The following SLC38A8 variants were observed in gnomAD, a reference collection of about 807,000 sequenced individuals.
SLC38A8 encodes the protein solute carrier family 38 member 8.
A neutral mutation model predicts 46.0 loss-of-function variants in SLC38A8; 65 were observed. The ratio of observed to expected loss-of-function variants is 1.41; its 90% confidence interval spans 1.16 to 1.74. The LOEUF is 1.74. SLC38A8 is among the 40% of genes most tolerant of loss of function. The pLI is 0.00. For missense variants in SLC38A8, 998 were observed against 567.9 expected (o/e 1.76, Z -7.70); for synonymous variants, 447 against 243.7 (o/e 1.83, Z -7.77).
chr16:84,011,260 C>A (rs2084949937), intron 10 of SLC38A8, among the ~76,000 whole-genome samples: 1 of 152,166 alleles, frequency 6.6e-6, no homozygotes, highest in Non-Finnish European at 1.5e-5. Context: ...CTTGAAAGCT[C>A]ATCAGTAAAA....
chr16:84,038,202 T>C lies in SLC38A8; in HGVS notation c.190-1302A>G, dbSNP rs182011587. 4.3e-4 allele frequency among the ~76,000 whole-genome samples: 66 copies of C among 152,092 alleles called. 1 individual carries two copies. The highest frequency in any genetic ancestry group is 1.5e-3 in the African/African-American group (62 of 41,510). ...GGCACATGCCTGTAATTCCAGCTAC[T>C]TGGGAGGCTGACGCAGGAGAATCAC... On this transcript the variant is annotated intron_variant, in intron 2 of 10. Transcript: ENST00000299709.
At chr16:84,013,385 C>T (rs910593531) in intron 9 of SLC38A8, among the ~76,000 whole-genome samples, 4 of 149,892 alleles carry the variant, frequency 2.7e-5, no homozygotes, top group Middle Eastern at 3.5e-3. Context: ...AAGTGCTCGG[C>T]AACTGGCAGC....
At chr16:84,012,882 G>C (rs974488018) in intron 10 of SLC38A8, 119 bp downstream of exon 10, 1,116 of 1,093,456 alleles carry the variant, frequency 1.0e-3, no homozygotes, top group Admixed American at 8.1e-3. Flanking sequence ...CCTGTGGCTC[G>C]CAGGTTTCTC....
chr16:84,013,718 T>C (rs1324907976), intron 9 of SLC38A8, among the ~76,000 whole-genome samples: 4 of 149,160 alleles, frequency 2.7e-5, no homozygotes, highest in East Asian at 2.0e-4. Flanking sequence ...CATGAGCCAC[T>C]GCACCCAGCC....
rs771238645 is a variant in SLC38A8 at position 84,016,652 on chromosome 16, C to A, written c.1029G>T (p.Gly343=). The A allele has an allele frequency of 4.3e-6, 7 of 1,613,826 alleles. No homozygotes were observed. The highest frequency in any genetic ancestry group is 2.2e-5 in the South Asian group (2 of 91,084). ...TGGTCAGCGGCATCCGGACCCACAG[C>A]CCTGAGGGGTCGGCCAGGGCGCTGG... The part of the protein sequence containing the change: ...WGPSALADPS[G]LWVRMPLTIL... The change falls in exon 9 of 11, where the codon GGG becomes GGT. Residue 343 remains glycine (G), a synonymous_variant. Transcript: ENST00000299709.
At chr16:84,023,101 C>T (rs771181605) in intron 6 of SLC38A8, among the ~76,000 whole-genome samples, 12 of 152,244 alleles carry the variant, frequency 7.9e-5, no homozygotes, top group African/African-American at 1.2e-4. Context: ...TGCCCAAACA[C>T]GCCACAGTAC....
chr16:84,035,866 A>G (rs1431872244), intron 3 of SLC38A8, among the ~76,000 whole-genome samples: 2 of 152,258 alleles, frequency 1.3e-5, no homozygotes, highest in Non-Finnish European at 2.9e-5. Context: ...TCCTTCTCTT[A>G]GGAATAGAAT....
At chr16:84,026,945 A>C (rs1226806022) in intron 6 of SLC38A8, among the ~76,000 whole-genome samples, 2 of 152,168 alleles carry the variant, frequency 1.3e-5, no homozygotes, top group East Asian at 3.8e-4. Context: ...TTCTCAATTG[A>C]CTGTGGTGAT....
chr16:84,029,079 C>G (rs1394340913), intron 6 of SLC38A8, among the ~76,000 whole-genome samples: 1 of 152,160 alleles, frequency 6.6e-6, no homozygotes, highest in Non-Finnish European at 1.5e-5. Context: ...TGCCCAAGGC[C>G]CTGGGCAGAG....
chr16:84,021,919 G>C (rs2085100739), intron 7 of SLC38A8, among the ~76,000 whole-genome samples: 2 of 152,236 alleles, frequency 1.3e-5, no homozygotes, highest in East Asian at 1.9e-4. Flanking sequence ...CAAGGGGGCT[G>C]AGTGTGTGAG....
chr16:84,019,787 C>T (rs1173308062), intron 7 of SLC38A8, among the ~76,000 whole-genome samples: 3 of 152,206 alleles, frequency 2.0e-5, no homozygotes, highest in African/African-American at 7.2e-5. Context: ...ACATTCTCAT[C>T]CCAGAAGAGA....
intron 6 of SLC38A8, among the ~76,000 whole-genome samples, chr16:84,025,906 G>T (rs918074135): frequency 6.6e-6 from 1 of 152,198 alleles, no homozygotes. Flanking sequence ...CTGCCAGCAG[G>T]GGGGACGCAA....
chr16:84,016,491 C>T (rs747904956), intron 9 of SLC38A8, 28 bp downstream of exon 9: 3 of 1,607,894 alleles, frequency 1.9e-6, no homozygotes, highest in African/African-American at 1.3e-5. Context: ...AACAAGTGGG[C>T]AGAAAGCCTG....
At chr16:84,024,153 G>A (rs1055341142) in intron 6 of SLC38A8, among the ~76,000 whole-genome samples, 2 of 152,106 alleles carry the variant, frequency 1.3e-5, no homozygotes, top group Admixed American at 6.5e-5. Flanking sequence ...ATGGTCAAAT[G>A]TTCCCTGGGG....
chr16:84,010,794 C>A (rs2084943363), intron 10 of SLC38A8, among the ~76,000 whole-genome samples: 3 of 152,032 alleles, frequency 2.0e-5, no homozygotes, highest in Admixed American at 2.0e-4. Flanking sequence ...TGAAAAGTCC[C>A]CCCACCCTCC....
At chr16:84,012,313 G>A (rs1477320498) in intron 10 of SLC38A8, among the ~76,000 whole-genome samples, 1 of 152,226 alleles carries the variant, frequency 6.6e-6, no homozygotes, top group Non-Finnish European at 1.5e-5. Context: ...AGACTCAGCT[G>A]CTCAGTGGCA....
intron 2 of SLC38A8, among the ~76,000 whole-genome samples, chr16:84,038,713 T>C (rs1351871805): frequency 6.6e-6 from 1 of 152,040 alleles, no homozygotes; most frequent in Non-Finnish European, 1.5e-5. Flanking sequence ...GTGCCACGAG[T>C]CCCACTTCTG....
chr16:84,022,516 C>A (rs1045501506), intron 7 of SLC38A8, among the ~76,000 whole-genome samples: 3 of 152,184 alleles, frequency 2.0e-5, no homozygotes, highest in African/African-American at 7.2e-5. Context: ...GCTTTGGAGA[C>A]GGCTAGGCTG....
chr16:84,010,800 C>T (rs2084943419), intron 10 of SLC38A8, among the ~76,000 whole-genome samples: 1 of 152,108 alleles, frequency 6.6e-6, no homozygotes, highest in Non-Finnish European at 1.5e-5. Flanking sequence ...GTCCCCCCAC[C>T]CTCCCTTTCT....
Sources: allele counts gnomAD v4.1 joint callset (sites outside exome capture counted in the v4.1 genomes callset), GRCh38; gene constraint gnomAD v4.1.1; transcripts MANE v1.5; gene names NCBI Gene and HGNC (gene_info 2026-07-23, HGNC 2026-07-21).